FAF1: variants seen among roughly 807,000 people sequenced by gnomAD.
The protein encoded by FAF1 is Fas associated factor 1, also known as FAS-associated factor 1.
Under a neutral mutation model 92.5 loss-of-function variants are expected in FAF1, and 25 were observed. That is an observed-to-expected ratio of 0.27 (90% CI 0.20 to 0.38). The LOEUF (loss-of-function observed/expected upper bound fraction) is 0.38. Among genes scored for constraint, FAF1 ranks in the 10% least tolerant of loss-of-function variants. The pLI is 1.00. For synonymous variants in FAF1, 234 were observed against 273.2 expected (o/e 0.86, Z 1.42); for missense variants, 636 against 793.3 (o/e 0.80, Z 2.38).
chr1:50,758,738 T>C (rs866035879), intron 4 of FAF1, among the ~76,000 whole-genome samples: 1 of 152,256 alleles, frequency 6.6e-6, no homozygotes, highest in Non-Finnish European at 1.5e-5. Flanking sequence ...TGAAAGATTA[T>C]TTTGTTCAAT....
intron 7 of FAF1, among the ~76,000 whole-genome samples, chr1:50,657,370 T>A (rs1371817110): frequency 1.3e-5 from 2 of 151,776 alleles, no homozygotes; most frequent in Admixed American, 1.3e-4. Flanking sequence ...CAAATGAAGT[T>A]AGGATTGAAA....
At chr1:50,455,733 T>TAA (rs1646343266) in intron 18 of FAF1, among the ~76,000 whole-genome samples, 1 of 152,244 alleles carries the variant, frequency 6.6e-6, no homozygotes, top group African/African-American at 2.4e-5. Flanking sequence ...AACAAGTGGC[T>TAA]AGAAGAATTA....
intron 8 of FAF1, among the ~76,000 whole-genome samples, chr1:50,625,829 T>C (rs187427534): frequency 2.0e-5 from 3 of 152,140 alleles, no homozygotes; most frequent in Admixed American, 1.3e-4. Flanking sequence ...ACTGAGAGAT[T>C]TGAAGCAAGC....
intron 1 of FAF1, among the ~76,000 whole-genome samples, chr1:50,930,015 G>A (rs1645036197): frequency 6.6e-6 from 1 of 152,110 alleles, no homozygotes; most frequent in African/African-American, 2.4e-5. Flanking sequence ...TTTTTTCCAA[G>A]TAGACTCCAA....
At chr1:50,536,063 C>T (rs977697001) in intron 14 of FAF1, among the ~76,000 whole-genome samples, 17 of 152,156 alleles carry the variant, frequency 1.1e-4, no homozygotes, top group African/African-American at 4.1e-4. Flanking sequence ...TATCTTCTAT[C>T]ATCAAAAATC....
intron 18 of FAF1, among the ~76,000 whole-genome samples, chr1:50,461,181 CCA>C (rs1646424796): frequency 6.6e-6 from 1 of 152,156 alleles, no homozygotes; most frequent in South Asian, 2.1e-4. Context: ...CAATAGCTCC[CCA>C]CAGCCTATAG....
chr1:50,701,034 G>C (rs1657452114), intron 7 of FAF1, among the ~76,000 whole-genome samples: 1 of 152,052 alleles, frequency 6.6e-6, no homozygotes, highest in Admixed American at 6.6e-5. Flanking sequence ...AATGCAACTT[G>C]AAACTAATAA....
chr1:50,475,944 AT>A (rs1169228362), intron 17 of FAF1, among the ~76,000 whole-genome samples: 1 of 152,156 alleles, frequency 6.6e-6, no homozygotes, highest in Non-Finnish European at 1.5e-5. Context: ...CAGAAAAGGC[AT>A]TTTTTTAACT....
Position 50,437,343 on chromosome 1 carries a change from TAC to T in FAF1, c.*4095_*4096del, listed in dbSNP as rs954142128. ...TAGGTCCCACTGAGAATCTGATGAA[TAC>T]AGATTCCCTTTCCAGGAAAATACAT... is the stretch of plus-strand genomic sequence containing the variant. On this transcript the variant is annotated 3_prime_UTR_variant, in exon 19 of 19. Coordinates refer to ENST00000396153, the MANE Select transcript of FAF1 (RefSeq NM_007051.3). The T allele has an allele frequency of 2.6e-5, 4 of 151,984 alleles. No homozygotes were observed. The highest frequency in any genetic ancestry group is 6.5e-5 in the Admixed American group (1 of 15,278). 9.4% of individuals were successfully genotyped at this position (151,984 alleles called of 1,614,324 possible).
intron 8 of FAF1, among the ~76,000 whole-genome samples, chr1:50,617,089 G>A (rs1652946840): frequency 6.6e-6 from 1 of 152,222 alleles, no homozygotes; most frequent in Non-Finnish European, 1.5e-5. Context: ...CATCAGCAAA[G>A]AGATACAGTT....
intron 2 of FAF1, among the ~76,000 whole-genome samples, chr1:50,837,967 T>A (rs1644223851): frequency 6.6e-6 from 1 of 152,080 alleles, no homozygotes; most frequent in African/African-American, 2.4e-5. Flanking sequence ...ATGGTCTCCA[T>A]CTCCTGACCT....
At chr1:50,514,987 C>T (rs1350336317) in intron 15 of FAF1, among the ~76,000 whole-genome samples, 9 of 152,164 alleles carry the variant, frequency 5.9e-5, no homozygotes, top group Admixed American at 5.9e-4. Flanking sequence ...ACCTGTTAAT[C>T]AAGTCTCCTA....
At position 50,748,429 on chromosome 1, in the gene FAF1, G is replaced by A. The variant is rs553454252; in HGVS notation, c.368-3654C>T. 1.8e-4 allele frequency among the ~76,000 whole-genome samples: 28 copies of A among 151,768 alleles called. 1 individual carries two copies. Among genetic ancestry groups the A allele is most frequent in the Admixed American group, 1.2e-3 (19 of 15,254 alleles). ...GGAGAATCACTTGAACCTGGGAGGC[G>A]GAGGCTGCAGTGAGCCAAGATTGCA... On this transcript the variant is annotated intron_variant, in intron 4 of 18. Transcript: ENST00000396153.
At chr1:50,519,201 G>T (rs1223578517) in intron 15 of FAF1, among the ~76,000 whole-genome samples, 1 of 151,966 alleles carries the variant, frequency 6.6e-6, no homozygotes, top group African/African-American at 2.4e-5. Context: ...GTAGTGGTGG[G>T]CACCTGAAAT....
intron 6 of FAF1, among the ~76,000 whole-genome samples, chr1:50,727,854 T>A (rs1201040228): frequency 1.3e-5 from 2 of 152,208 alleles, no homozygotes; most frequent in Non-Finnish European, 2.9e-5. Context: ...GCTTTTGGAC[T>A]CTTGGACTTA....
intron 1 of FAF1, among the ~76,000 whole-genome samples, chr1:50,937,271 T>A (rs1387650134): frequency 6.6e-6 from 1 of 152,138 alleles, no homozygotes; most frequent in Non-Finnish European, 1.5e-5. Flanking sequence ...TATTGACTCT[T>A]GATCTCTTCT....
chr1:50,479,277 C>T (rs113889795), intron 17 of FAF1, among the ~76,000 whole-genome samples: 162 of 151,366 alleles, frequency 1.1e-3, no homozygotes, highest in African/African-American at 3.6e-3. Context: ...CTCTGGATCA[C>T]GCCAGCTGCC....
chr1:50,911,552 C>T (rs1356882821), intron 1 of FAF1, among the ~76,000 whole-genome samples: 1 of 151,396 alleles, frequency 6.6e-6, no homozygotes, highest in Non-Finnish European at 1.5e-5. Context: ...CAAAAATTAA[C>T]CAAGCCTGGT....
chr1:50,950,390 G>A (rs186238569), intron 1 of FAF1, among the ~76,000 whole-genome samples: 64 of 152,224 alleles, frequency 4.2e-4, no homozygotes, highest in Non-Finnish European at 8.2e-4. Context: ...TGGGGGGAGC[G>A]GAGAAATAAC....
Sources: gnomAD v4.1 joint callset for allele counts (sites outside exome capture counted in the v4.1 genomes callset) on GRCh38, gnomAD v4.1.1 for gene constraint, MANE v1.5 for transcripts, NCBI Gene and HGNC (gene_info 2026-07-23, HGNC 2026-07-21) for gene names.